SNX29: variants seen among roughly 807,000 people sequenced by gnomAD.
SNX29 encodes the protein sorting nexin-29.
In SNX29, 78 loss-of-function variants were observed where a neutral mutation model predicts 102.1. That is an observed-to-expected ratio of 0.76 (90% CI 0.64 to 0.92). The LOEUF (loss-of-function observed/expected upper bound fraction) is 0.92. Among genes scored for constraint, SNX29 ranks in the 40% least tolerant of loss-of-function variants. The pLI is 0.00. For synonymous variants in SNX29, 580 were observed against 414.5 expected, an observed-to-expected ratio of 1.40 and a Z score of -4.85; for missense variants, 1,280 against 1,061.7, an observed-to-expected ratio of 1.21 and a Z score of -2.86.
chr16:12,476,413 CATATATAT>C (rs61390803), intron 18 of SNX29, among the ~76,000 whole-genome samples: 699 of 19,366 alleles, frequency 0.036, 19 homozygotes, highest in African/African-American at 0.07. Context: ...TATATATATA[CATATATAT>C]ATATATATAT....
At chr16:12,540,506 G>T (rs537106168) in intron 20 of SNX29, among the ~76,000 whole-genome samples, 36 of 152,230 alleles carry the variant, frequency 2.4e-4, no homozygotes, top group East Asian at 1.7e-3. Context: ...GCGCCTTCTC[G>T]AGGTTGTGGG....
intron 1 of SNX29, among the ~76,000 whole-genome samples, chr16:11,989,886 C>T (rs955035100): frequency 2.6e-5 from 4 of 152,286 alleles, no homozygotes; most frequent in Non-Finnish European, 4.4e-5. Context: ...AGTCAGCCAT[C>T]GGGAGGCTGT....
chr16:12,569,323 T>G lies in SNX29; in HGVS notation c.*694T>G, dbSNP rs940727576. On this transcript the variant is annotated 3_prime_UTR_variant, in exon 21 of 21. Coordinates refer to ENST00000566228, the MANE Select transcript of SNX29 (RefSeq NM_032167.5). ...CTGGCTTCAGGAAGGACCAGTGCCC[T>G]CCATAGCCTGAGGCCACCTAGGCCC... 2 of 229,460 alleles carry G rather than the reference T, an allele frequency of 8.7e-6. No individual in the cohort carries two copies. Among genetic ancestry groups the G allele is most frequent in the African/African-American group, 4.4e-5 (2 of 45,052 alleles). The allele number at this position is 229,460 out of a possible 1,614,324, so 14.2% of individuals were successfully genotyped here.
At chr16:12,235,235 A>G (rs1596583358) in intron 14 of SNX29, among the ~76,000 whole-genome samples, 1 of 152,180 alleles carries the variant, frequency 6.6e-6, no homozygotes, top group South Asian at 2.1e-4. Flanking sequence ...GTAAGTTTAG[A>G]GAAGAAATGC....
chr16:11,999,923 G>A (rs1194366941), intron 2 of SNX29, among the ~76,000 whole-genome samples: 1 of 151,522 alleles, frequency 6.6e-6, no homozygotes. Context: ...AAAAGTCATT[G>A]ATGTGGGTTT....
chr16:12,149,235 G>A (rs998704662), intron 13 of SNX29, among the ~76,000 whole-genome samples: 7 of 152,194 alleles, frequency 4.6e-5, no homozygotes, highest in Non-Finnish European at 7.3e-5. Context: ...AGCAGGAAGG[G>A]TAAAGCAGGA....
intron 5 of SNX29, among the ~76,000 whole-genome samples, chr16:12,045,139 A>T (rs1162531801): frequency 6.6e-6 from 1 of 152,216 alleles, no homozygotes; most frequent in Non-Finnish European, 1.5e-5. Context: ...AGGTGCAGTC[A>T]GAATGTCAGC....
At chr16:12,001,797 A>G (rs1482679674) in intron 2 of SNX29, among the ~76,000 whole-genome samples, 1 of 152,072 alleles carries the variant, frequency 6.6e-6, no homozygotes, top group African/African-American at 2.4e-5. Flanking sequence ...GCAGGAGGAT[A>G]TCTTGAGGCC....
At chr16:11,983,235 ATTTT>A (rs557542669) in intron 1 of SNX29, among the ~76,000 whole-genome samples, 4 of 129,610 alleles carry the variant, frequency 3.1e-5, no homozygotes, top group African/African-American at 1.2e-4. Flanking sequence ...CTGGGTTACA[ATTTT>A]TTTTTTTTTT....
intron 20 of SNX29, among the ~76,000 whole-genome samples, chr16:12,538,568 C>G (rs1022139696): frequency 2.0e-5 from 3 of 152,122 alleles, no homozygotes; most frequent in Non-Finnish European, 2.9e-5. Context: ...CTGGTCTTAG[C>G]TGAGCTGGCT....
At chr16:12,193,497 C>G (rs1001587952) in intron 13 of SNX29, among the ~76,000 whole-genome samples, 1 of 150,116 alleles carries the variant, frequency 6.7e-6, no homozygotes, top group Non-Finnish European at 1.5e-5. Context: ...AAGTCTTTCA[C>G]ATAGCAAATC....
chr16:12,017,462 G>C (rs2056885281), intron 3 of SNX29, among the ~76,000 whole-genome samples: 1 of 152,012 alleles, frequency 6.6e-6, no homozygotes, highest in African/African-American at 2.4e-5. Context: ...TCAGCTATAT[G>C]TTCTGTTAAT....
At chr16:12,086,096 C>T (rs141999082) in intron 11 of SNX29, among the ~76,000 whole-genome samples, 4,874 of 151,364 alleles carry the variant, frequency 0.032, 271 homozygotes, top group African/African-American at 0.11. Context: ...CTCCGCCTCC[C>T]GGGCTCACGC....
chr16:11,996,529 T>G lies in SNX29; in HGVS notation c.8-2768T>G, dbSNP rs142023873. 1.2e-3 allele frequency among the ~76,000 whole-genome samples: 188 copies of G among 152,342 alleles called. 2 individuals carry two copies. The highest frequency in any genetic ancestry group is 4.1e-3 in the African/African-American group (170 of 41,580). On this transcript the variant is annotated intron_variant, in intron 1 of 20. Transcript: ENST00000566228. The stretch of plus-strand genomic sequence containing the variant: ...TTTTCTTTGTACATTTTTTCCTGAT[T>G]TGTTATTATTCTATTTTTTTCCTGC...
intron 20 of SNX29, among the ~76,000 whole-genome samples, chr16:12,529,914 C>T (rs1195179620): frequency 6.6e-6 from 1 of 152,158 alleles, no homozygotes; most frequent in African/African-American, 2.4e-5. Flanking sequence ...ACCTTCCAGA[C>T]TCCAAAGTCC....
intron 13 of SNX29, among the ~76,000 whole-genome samples, chr16:12,136,891 C>T (rs2054684071): frequency 1.3e-5 from 2 of 152,262 alleles, no homozygotes; most frequent in Non-Finnish European, 1.5e-5. Context: ...AGGTGCCCGC[C>T]ATCACGCCTG....
rs2087716629 is a variant in SNX29, at chr16:12,477,631, G to T, written c.2038-88G>T. On this transcript the variant is annotated intron_variant, in intron 18 of 20. Coordinates refer to ENST00000566228, the MANE Select transcript of SNX29 (RefSeq NM_032167.5). ...TGACACAGATGTGACTCTTGCTGCA[G>T]TTGGTTTTCATGGGGAAAGCATAGC... 4 of 1,502,474 alleles carry T rather than the reference G, an allele frequency of 2.7e-6. No homozygotes were observed. In the East Asian group the frequency reaches 6.8e-5, roughly 26 times the overall value. 93.1% of individuals were successfully genotyped at this position (1,502,474 alleles called of 1,614,324 possible).
chr16:12,534,985 G>T (rs1446991089), intron 20 of SNX29, among the ~76,000 whole-genome samples: 3 of 152,332 alleles, frequency 2.0e-5, no homozygotes, highest in African/African-American at 7.2e-5. Flanking sequence ...TCATTAGTGT[G>T]AAGGTTGAGA....
Position 12,548,342 on chromosome 16 carries a change from G to A in SNX29, c.2319-20164G>A, listed in dbSNP as rs138565055. On this transcript the variant is annotated intron_variant, in intron 20 of 20. Coordinates refer to ENST00000566228, the MANE Select transcript of SNX29 (RefSeq NM_032167.5). ...CTGGCTTGGTGCCTCCATGGGGAAT[G>A]ACAGTGGGCACTCTGCACCCACATG... Among the ~76,000 whole-genome samples the A allele has an allele frequency of 2.4e-4, 36 of 152,322 alleles. No individual in the cohort carries two copies. In the East Asian group the frequency reaches 6.0e-3, roughly 25 times the overall value.
Sources: allele counts gnomAD v4.1 joint callset (sites outside exome capture counted in the v4.1 genomes callset), GRCh38; gene constraint gnomAD v4.1.1; transcripts MANE v1.5; gene names NCBI Gene and HGNC (gene_info 2026-07-23, HGNC 2026-07-21).